KLF12: variants seen among roughly 807,000 people sequenced by gnomAD.
The protein encoded by KLF12 is Krueppel-like factor 12.
KLF12 carries 9 observed loss-of-function variants against 37.8 expected under a neutral mutation model. That is an observed-to-expected ratio of 0.24 (90% CI 0.14 to 0.42). The LOEUF (loss-of-function observed/expected upper bound fraction) is 0.42. KLF12 is among the 10% of genes least tolerant of loss of function. The pLI is 1.00. For missense variants in KLF12, 411 were observed against 516.0 expected (o/e 0.80, Z 1.97); for synonymous variants, 208 against 202.1 (o/e 1.03, Z -0.25).
chr13:73,918,776 A>G (rs1240523049), intron 3 of KLF12, among the ~76,000 whole-genome samples: 1 of 152,230 alleles, frequency 6.6e-6, no homozygotes, highest in Non-Finnish European at 1.5e-5. Flanking sequence ...CCAGAACCCC[A>G]GAAGTGTTAA....
chr13:74,242,363 G>A, the KLF12 span, among the ~76,000 whole-genome samples: 2 of 152,188 alleles, frequency 1.3e-5, no homozygotes, highest in African/African-American at 4.8e-5. Flanking sequence ...CGTGGTGGAA[G>A]GCAAAAGCCA....
chr13:74,241,770 C>G, the KLF12 span, among the ~76,000 whole-genome samples: 1 of 152,168 alleles, frequency 6.6e-6, no homozygotes, highest in African/African-American at 2.4e-5. Flanking sequence ...CTGACCCCTT[C>G]CCAAGTGAGG....
At chr13:74,091,531 A>G (rs1875658584) in intron 1 of KLF12, among the ~76,000 whole-genome samples, 1 of 152,216 alleles carries the variant, frequency 6.6e-6, no homozygotes, top group South Asian at 2.1e-4. Flanking sequence ...TAGTGGTAAT[A>G]ACATTCCATT....
At chr13:74,221,856 A>G in the KLF12 span, among the ~76,000 whole-genome samples, 7 of 152,184 alleles carry the variant, frequency 4.6e-5, no homozygotes, top group Admixed American at 1.3e-4. Context: ...TGAGGACCTT[A>G]GAAGCTCACA....
At chr13:73,919,783 T>C (rs890883194) in intron 3 of KLF12, among the ~76,000 whole-genome samples, 2 of 152,244 alleles carry the variant, frequency 1.3e-5, no homozygotes, top group African/African-American at 2.4e-5. Context: ...ATTTGCAACA[T>C]GTTCATTCCT....
chr13:74,108,242 A>G (rs930564839), intron 1 of KLF12, among the ~76,000 whole-genome samples: 10 of 152,136 alleles, frequency 6.6e-5, no homozygotes, highest in African/African-American at 2.2e-4. Flanking sequence ...AATAAACCAT[A>G]TATCATTCTT....
chr13:74,232,962 T>G, the KLF12 span, among the ~76,000 whole-genome samples: 1 of 152,138 alleles, frequency 6.6e-6, no homozygotes, highest in Admixed American at 6.5e-5. Context: ...CTCAGCTCAC[T>G]GCAACCTCCG....
the KLF12 span, among the ~76,000 whole-genome samples, chr13:74,296,795 C>A: frequency 2.0e-5 from 3 of 152,142 alleles, no homozygotes; most frequent in African/African-American, 7.2e-5. Context: ...AAACCCCAAG[C>A]AAATCATGCA....
intron 6 of KLF12, among the ~76,000 whole-genome samples, chr13:73,759,025 C>A (rs2274086): frequency 0.31 from 47,408 of 151,990 alleles, 7,825 homozygotes; most frequent in African/African-American, 0.39. Flanking sequence ...GCATTATAGC[C>A]AAGAAAAGAT....
chr13:74,048,368 C>T (rs1443449003), intron 1 of KLF12, among the ~76,000 whole-genome samples: 1 of 152,008 alleles, frequency 6.6e-6, no homozygotes, highest in African/African-American at 2.4e-5. Context: ...CTGTAACTTC[C>T]AATAAGACAA....
At chr13:74,186,507 G>T in the KLF12 span, among the ~76,000 whole-genome samples, 1 of 152,046 alleles carries the variant, frequency 6.6e-6, no homozygotes, top group South Asian at 2.1e-4. Flanking sequence ...TCTCAAAGGG[G>T]TGATGCTGGA....
At chr13:74,201,001 A>G in the KLF12 span, among the ~76,000 whole-genome samples, 1 of 152,158 alleles carries the variant, frequency 6.6e-6, no homozygotes, top group Admixed American at 6.6e-5. Flanking sequence ...AAATGAAGGT[A>G]TACTTGCATA....
the KLF12 span, among the ~76,000 whole-genome samples, chr13:74,255,547 T>C: frequency 2.6e-5 from 4 of 152,208 alleles, no homozygotes; most frequent in South Asian, 6.2e-4. Flanking sequence ...ATGGATATAA[T>C]TTCAGGAAGT....
At chr13:74,290,958 A>G in the KLF12 span, among the ~76,000 whole-genome samples, 1 of 152,240 alleles carries the variant, frequency 6.6e-6, no homozygotes, top group Non-Finnish European at 1.5e-5. Flanking sequence ...TAGAAAGAGT[A>G]TGCTTAGCTG....
In KLF12 at chr13:73,689,373, T is replaced by C. The variant is rs1430482623; in HGVS notation, c.*6117A>G. 6.6e-6 allele frequency: 1 copy of C among 152,138 alleles called. No individual in the cohort carries two copies. Among genetic ancestry groups the C allele is most frequent in the African/African-American group, 2.4e-5 (1 of 41,432 alleles). The allele number at this position is 152,138 out of a possible 1,614,324, so 9.4% of individuals were successfully genotyped here. ...TTTAATCACAGTCCTACTTTTAAAA[T>C]TGCCCTTACCCGATGTGTGACTCTC... is the stretch of plus-strand genomic sequence containing the variant. On this transcript the variant is annotated 3_prime_UTR_variant, in exon 8 of 8. Transcript: ENST00000377669.
chr13:74,132,384 A>G (rs1169852171), intron 1 of KLF12, among the ~76,000 whole-genome samples: 1 of 152,240 alleles, frequency 6.6e-6, no homozygotes, highest in Non-Finnish European at 1.5e-5. Flanking sequence ...AAGTCACTAG[A>G]TGCACACGCA....
chr13:74,279,178 C>G, the KLF12 span, among the ~76,000 whole-genome samples: 1 of 152,142 alleles, frequency 6.6e-6, no homozygotes, highest in Admixed American at 6.6e-5. Flanking sequence ...GGGAGAGTCT[C>G]TTCCATCACA....
chr13:73,909,586 A>G (rs73524878), intron 3 of KLF12, among the ~76,000 whole-genome samples: 7,428 of 152,268 alleles, frequency 0.049, 424 homozygotes, highest in African/African-American at 0.14. Context: ...CATTTTCAGA[A>G]TAAAGTATGT....
At chr13:74,249,009 A>G in the KLF12 span, among the ~76,000 whole-genome samples, 1 of 152,184 alleles carries the variant, frequency 6.6e-6, no homozygotes, top group East Asian at 1.9e-4. Flanking sequence ...AGTGAATTGG[A>G]AAGATGGGAA....
Sources: gnomAD v4.1 joint callset for allele counts (sites outside exome capture counted in the v4.1 genomes callset) on GRCh38, gnomAD v4.1.1 for gene constraint, MANE v1.5 for transcripts, NCBI Gene and HGNC (gene_info 2026-07-23, HGNC 2026-07-21) for gene names.